SRGAP2: variants seen among roughly 807,000 people sequenced by gnomAD.
SRGAP2 encodes SLIT-ROBO Rho GTPase activating protein 2.
A neutral mutation model predicts 57.2 loss-of-function variants in SRGAP2; 15 were observed. That is an observed-to-expected ratio of 0.26 (90% CI 0.18 to 0.40). The LOEUF (loss-of-function observed/expected upper bound fraction) is 0.40, where lower values mean the gene tolerates loss of function less well. Among genes scored for constraint, SRGAP2 ranks in the 10% least tolerant of loss-of-function variants. The pLI is 1.00. For missense variants in SRGAP2, 520 were observed against 669.6 expected (o/e 0.78, Z 2.47); for synonymous variants, 249 against 248.0 (o/e 1.00, Z -0.04).
chr1:206,378,686 G>A (rs1460144933), intron 4 of SRGAP2, among the ~76,000 whole-genome samples: 1 of 152,044 alleles, frequency 6.6e-6, no homozygotes, highest in African/African-American at 2.4e-5. Flanking sequence ...TCTAGCTAAA[G>A]GATTGTAAAG....
rs1664413645 is a variant in SRGAP2, at chr1:206,463,885, G to A, written c.*2465G>A. 1 of 152,698 alleles carries A rather than the reference G, an allele frequency of 6.5e-6. No individual in the cohort carries two copies. The highest frequency in any genetic ancestry group is 1.5e-5 in the Non-Finnish European group (1 of 68,102). 9.5% of individuals were successfully genotyped at this position (152,698 alleles called of 1,614,324 possible). The stretch of plus-strand genomic sequence containing the variant: ...AGCCAAAAGGAGCTGGCCATCCAGG[G>A]CCTAGGGAGACCAGCCTTCCTCAGC... On this transcript the variant is annotated 3_prime_UTR_variant, in exon 23 of 23. Transcript: ENST00000573034.
chr1:206,225,791 G>T (rs1393588243), intron 2 of SRGAP2, among the ~76,000 whole-genome samples: 1 of 152,114 alleles, frequency 6.6e-6, no homozygotes, highest in Non-Finnish European at 1.5e-5. Context: ...CTTTCCCTGT[G>T]CCCTGTAGGG....
intron 14 of SRGAP2, 55 bp from the exon 15 acceptor site, chr1:206,436,910 T>A (rs1457593715): frequency 1.3e-6 from 1 of 779,620 alleles, no homozygotes. Context: ...AGCTTGGCAC[T>A]ATGCTTGTGA....
intron 2 of SRGAP2, among the ~76,000 whole-genome samples, chr1:206,290,925 A>G (rs1671284051): frequency 1.3e-5 from 2 of 152,258 alleles, no homozygotes; most frequent in Non-Finnish European, 1.5e-5. Flanking sequence ...AGTTGATAGC[A>G]TCTCTAGATG....
chr1:206,409,685 G>A (rs1191844565), intron 10 of SRGAP2, among the ~76,000 whole-genome samples: 5 of 151,786 alleles, frequency 3.3e-5, no homozygotes, highest in Non-Finnish European at 7.4e-5. Context: ...AGGAGGCTAA[G>A]GTGGGAGGAT....
chr1:206,318,449 G>A (rs1367584104), intron 3 of SRGAP2, among the ~76,000 whole-genome samples: 1 of 152,110 alleles, frequency 6.6e-6, no homozygotes, highest in Non-Finnish European at 1.5e-5. Flanking sequence ...TCTTGCTCCT[G>A]TTTTCTCCGG....
chr1:206,313,835 G>T (rs1553325099), intron 3 of SRGAP2, among the ~76,000 whole-genome samples: 1 of 150,954 alleles, frequency 6.6e-6, no homozygotes, highest in Non-Finnish European at 1.5e-5. Context: ...TTATCCTTCT[G>T]TCCATTTAGC....
At chr1:206,430,295 A>T in intron 14 of SRGAP2, 73 bp downstream of exon 14, 1 of 766,880 alleles carries the variant, frequency 1.3e-6, no homozygotes, top group Non-Finnish European at 2.4e-6. Context: ...TTTGTAGAGT[A>T]AGAATAGAGA....
chr1:206,334,288 G>A (rs1674610882), intron 3 of SRGAP2, among the ~76,000 whole-genome samples: 1 of 149,498 alleles, frequency 6.7e-6, no homozygotes, highest in Non-Finnish European at 1.5e-5. Context: ...GGGCCTGGGG[G>A]TTGTTCCTCC....
intron 2 of SRGAP2, among the ~76,000 whole-genome samples, chr1:206,221,243 A>G (rs1241205014): frequency 6.7e-6 from 1 of 149,234 alleles, no homozygotes; most frequent in Non-Finnish European, 1.5e-5. Context: ...CCTGGCCTAT[A>G]TGTTTTATAC....
chr1:206,292,222 A>G (rs1406197512), intron 2 of SRGAP2, among the ~76,000 whole-genome samples: 6 of 152,166 alleles, frequency 3.9e-5, no homozygotes, highest in African/African-American at 7.2e-5. Flanking sequence ...TCATTCGTCA[A>G]TTTCTATCTC....
chr1:206,354,924 GTA>G (rs1399660882), intron 4 of SRGAP2, among the ~76,000 whole-genome samples: 3 of 151,186 alleles, frequency 2.0e-5, no homozygotes, highest in African/African-American at 7.3e-5. Flanking sequence ...TATAGTAGAT[GTA>G]TGTTATAGAA....
intron 19 of SRGAP2, among the ~76,000 whole-genome samples, chr1:206,450,947 TAAAAA>T (rs371400613): frequency 7.0e-6 from 1 of 143,604 alleles, no homozygotes. Flanking sequence ...CCCTGTCTCT[TAAAAA>T]AAAAAAAAAA....
At chr1:206,209,650 G>A (rs1266330643) in intron 2 of SRGAP2, among the ~76,000 whole-genome samples, 2 of 151,222 alleles carry the variant, frequency 1.3e-5, no homozygotes, top group African/African-American at 4.9e-5. Flanking sequence ...TTTTTACATA[G>A]CTCTTTCCAA....
chr1:206,371,546 T>C (rs1654549536), intron 4 of SRGAP2, among the ~76,000 whole-genome samples: 2 of 148,696 alleles, frequency 1.3e-5, no homozygotes, highest in East Asian at 2.0e-4. Context: ...CTGGATAACA[T>C]GGTGAAACCC....
In SRGAP2 at chr1:206,454,491, C is replaced by T. The variant is rs560519276; in HGVS notation, c.2361-387C>T. The T allele has an allele frequency of 6.8e-5, 30 of 442,810 alleles. No individual in the cohort carries two copies. Among genetic ancestry groups the T allele is most frequent in the South Asian group, 1.0e-4 (3 of 29,046 alleles). The allele number at this position is 442,810 out of a possible 1,614,324, so 27.4% of individuals were successfully genotyped here. On this transcript the variant is annotated intron_variant, in intron 20 of 22. Coordinates refer to ENST00000573034, the MANE Select transcript of SRGAP2 (RefSeq NM_015326.5). The surrounding 1 kb of genome is among the most constrained non-coding windows in gnomAD (Gnocchi z 4.3). ...CACCACACAGTTGACTGTCCTTACC[C>T]GGCAGTGCTCAGGACCTCAGCCGAT...
At chr1:206,232,132 C>T (rs1160689108) in intron 2 of SRGAP2, among the ~76,000 whole-genome samples, 2,076 of 151,926 alleles carry the variant, frequency 0.014, 35 homozygotes, top group African/African-American at 0.045. Flanking sequence ...CAGGCGGCTG[C>T]GTTCAGCGTC....
chr1:206,205,388 C>T (rs1553300916), intron 1 of SRGAP2, 41 bp from the exon 2 acceptor site: 1 of 121,794 alleles, frequency 8.2e-6, no homozygotes, highest in Non-Finnish European at 1.7e-5. Context: ...AGGATCTGCG[C>T]TCTGGCTGAT....
At chr1:206,268,230 C>A in intron 2 of SRGAP2, among the ~76,000 whole-genome samples, 1 of 128,768 alleles carries the variant, frequency 7.8e-6, no homozygotes, top group African/African-American at 2.9e-5. Context: ...TACTATCCCT[C>A]CCACCTCCCC....
Sources: gnomAD v4.1 joint callset for allele counts (sites outside exome capture counted in the v4.1 genomes callset) on GRCh38, gnomAD v4.1.1 for gene constraint, Gnocchi (gnomAD v3.1) non-coding constraint, MANE v1.5 for transcripts, NCBI Gene and HGNC (gene_info 2026-07-23, HGNC 2026-07-21) for gene names.